Variants in LRBA observed in about 807,000 individuals in gnomAD.
LRBA encodes lipopolysaccharide-responsive and beige-like anchor protein.
A neutral mutation model predicts 330.0 loss-of-function variants in LRBA; 176 were observed. The observed-to-expected ratio is 0.53, with a 90% CI of 0.47 to 0.60. LRBA has a LOEUF of 0.60. Ranked by LOEUF, LRBA falls within the 20% of genes least tolerant of loss-of-function variation. LRBA has a pLI of 0.00. For missense variants in LRBA, 3,259 were observed against 3,444.8 expected, an observed-to-expected ratio of 0.95 and a Z score of 1.35; for synonymous variants, 1,230 against 1,193.0, an observed-to-expected ratio of 1.03 and a Z score of -0.64.
chr4:150,976,237 TTGAC>T (rs1295773805), intron 2 of LRBA, among the ~76,000 whole-genome samples: 3 of 151,290 alleles, frequency 2.0e-5, no homozygotes, highest in Admixed American at 1.3e-4. Context: ...AGAAAAATAT[TTGAC>T]TGACTAGACA....
rs1436537169 is a variant in LRBA at position 150,905,485 on chromosome 4, C to G, written c.1755+353G>C. Among the ~76,000 whole-genome samples the G allele has an allele frequency of 2.6e-5, 4 of 151,962 alleles. No homozygotes were observed. In the East Asian group the frequency reaches 7.7e-4, roughly 29 times the overall value. On this transcript the variant is annotated intron_variant, in intron 13 of 56. Transcript: ENST00000651943. The stretch of plus-strand genomic sequence containing the variant: ...GGAAACATTAATAATTACATTAAAA[C>G]TGTCTAACTTTGATTTATATTTAGT...
At chr4:150,819,727 T>C (rs1217323501) in intron 30 of LRBA, among the ~76,000 whole-genome samples, 1 of 152,124 alleles carries the variant, frequency 6.6e-6, no homozygotes, top group African/African-American at 2.4e-5. Context: ...TCCCTATTTA[T>C]TCAAGATGAC....
At chr4:150,787,309 A>C (rs555625759) in intron 34 of LRBA, among the ~76,000 whole-genome samples, 1 of 152,286 alleles carries the variant, frequency 6.6e-6, no homozygotes, top group Admixed American at 6.5e-5. Flanking sequence ...TTTTACATGC[A>C]CTGCCTAATA....
chr4:150,596,523 A>G (rs1001506502), intron 38 of LRBA, among the ~76,000 whole-genome samples: 3 of 152,096 alleles, frequency 2.0e-5, no homozygotes, highest in South Asian at 2.1e-4. Flanking sequence ...TCATAAAAAT[A>G]TAAGAATGAC....
At chr4:150,429,931 C>T (rs1750150454) in intron 46 of LRBA, among the ~76,000 whole-genome samples, 2 of 152,016 alleles carry the variant, frequency 1.3e-5, no homozygotes, top group South Asian at 4.2e-4. Context: ...TTAAATATAG[C>T]AAATAACCAA....
At chr4:150,604,561 T>C (rs529956971) in intron 37 of LRBA, among the ~76,000 whole-genome samples, 1 of 152,276 alleles carries the variant, frequency 6.6e-6, no homozygotes, top group South Asian at 2.1e-4. Context: ...ACAAGGATTA[T>C]TACAATGTTG....
intron 9 of LRBA, among the ~76,000 whole-genome samples, chr4:150,913,373 A>T (rs1361799623): frequency 6.6e-6 from 1 of 152,230 alleles, no homozygotes; most frequent in African/African-American, 2.4e-5. Flanking sequence ...AGGCTGAGGC[A>T]GGAGAATTGC....
intron 47 of LRBA, among the ~76,000 whole-genome samples, chr4:150,408,820 A>G (rs1220926096): frequency 6.6e-6 from 1 of 152,116 alleles, no homozygotes; most frequent in African/African-American, 2.4e-5. Flanking sequence ...CCCTATTCCA[A>G]TATCACATAG....
intron 41 of LRBA, among the ~76,000 whole-genome samples, chr4:150,488,236 A>T (rs1353163524): frequency 6.6e-6 from 1 of 151,718 alleles, no homozygotes; most frequent in Non-Finnish European, 1.5e-5. Flanking sequence ...CCAGAAACAA[A>T]TATTAAAAAT....
intron 17 of LRBA, among the ~76,000 whole-genome samples, chr4:150,885,480 G>A (rs1728851564): frequency 1.3e-5 from 2 of 152,040 alleles, no homozygotes; most frequent in African/African-American, 4.8e-5. Flanking sequence ...AATTAGCTGA[G>A]CACAGTGGTA....
chr4:150,911,460 T>C (rs77013479), intron 9 of LRBA, among the ~76,000 whole-genome samples: 4,232 of 152,334 alleles, frequency 0.028, 180 homozygotes, highest in African/African-American at 0.097. Flanking sequence ...TATGATCATA[T>C]GGATTTTGTA....
chr4:150,770,892 G>A (rs1453362119), intron 34 of LRBA, among the ~76,000 whole-genome samples: 1 of 152,088 alleles, frequency 6.6e-6, no homozygotes, highest in Non-Finnish European at 1.5e-5. Flanking sequence ...ACTAAGATAT[G>A]CACTGAGGAA....
At chr4:150,454,250 C>A (rs569895597) in intron 44 of LRBA, among the ~76,000 whole-genome samples, 1 of 152,216 alleles carries the variant, frequency 6.6e-6, no homozygotes, top group Admixed American at 6.5e-5. Context: ...TGAGCCACCA[C>A]AACCAACCTC....
chr4:150,965,303 C>T (rs1468479481), intron 2 of LRBA, among the ~76,000 whole-genome samples: 2 of 152,084 alleles, frequency 1.3e-5, no homozygotes, highest in African/African-American at 2.4e-5. Context: ...TTTAAAAATA[C>T]AGAAGCTCTG....
chr4:150,544,019 G>C (rs1487752260), intron 40 of LRBA, among the ~76,000 whole-genome samples: 2 of 152,080 alleles, frequency 1.3e-5, no homozygotes, highest in East Asian at 3.8e-4. Flanking sequence ...CTCTTCAGTA[G>C]TCTCCACTGT....
chr4:150,918,362 T>C (rs1732876204), intron 5 of LRBA, among the ~76,000 whole-genome samples: 1 of 152,176 alleles, frequency 6.6e-6, no homozygotes, highest in Non-Finnish European at 1.5e-5. Flanking sequence ...TATAAAAAGA[T>C]GCTCAATATC....
chr4:150,657,197 GT>G (rs1780280000), intron 37 of LRBA, among the ~76,000 whole-genome samples: 1 of 152,130 alleles, frequency 6.6e-6, no homozygotes, highest in African/African-American at 2.4e-5. Flanking sequence ...AAGGAGACAT[GT>G]TTTTGTTTTT....
chr4:150,324,790 C>T (rs1239533049), intron 49 of LRBA, among the ~76,000 whole-genome samples: 2 of 152,024 alleles, frequency 1.3e-5, no homozygotes, highest in African/African-American at 4.8e-5. Context: ...AGTTTCTATT[C>T]TTAATTTAAA....
chr4:150,574,019 T>C (rs1770215391), intron 40 of LRBA, among the ~76,000 whole-genome samples: 1 of 152,100 alleles, frequency 6.6e-6, no homozygotes. Flanking sequence ...ATTTACACAA[T>C]ACCCAATGTT....
Sources: allele counts gnomAD v4.1 joint callset (sites outside exome capture counted in the v4.1 genomes callset), GRCh38; gene constraint gnomAD v4.1.1; transcripts MANE v1.5; gene names NCBI Gene and HGNC (gene_info 2026-07-23, HGNC 2026-07-21).